Variants in FARP1 observed in about 807,000 individuals in gnomAD.
FARP1 encodes the protein FERM, ARHGEF and pleckstrin domain-containing protein 1.
In FARP1, 52 loss-of-function variants were observed where a neutral mutation model predicts 128.8. That is an observed-to-expected ratio of 0.40 (90% CI 0.32 to 0.51). The LOEUF is 0.51. Ranked by LOEUF, FARP1 falls within the 20% of genes least tolerant of loss-of-function variation. FARP1 has a pLI of 0.45. For missense variants in FARP1, 1,333 were observed against 1,367.9 expected (o/e 0.97, Z 0.40); for synonymous variants, 580 against 551.8 (o/e 1.05, Z -0.72).
chr13:98,251,912 A>C (rs375496509), intron 2 of FARP1, among the ~76,000 whole-genome samples: 28 of 152,272 alleles, frequency 1.8e-4, no homozygotes, highest in East Asian at 1.5e-3. Flanking sequence ...CAGTGACGCA[A>C]TCTTGGCTCA....
intron 2 of FARP1, among the ~76,000 whole-genome samples, chr13:98,297,813 C>T (rs898369377): frequency 6.6e-6 from 1 of 152,180 alleles, no homozygotes; most frequent in Non-Finnish European, 1.5e-5. Flanking sequence ...GTCTTCAGTG[C>T]TGTTTTATGT....
At chr13:98,428,108 T>C (rs564417275) in intron 17 of FARP1, among the ~76,000 whole-genome samples, 222 of 140,880 alleles carry the variant, frequency 1.6e-3, no homozygotes, top group African/African-American at 5.5e-3. Flanking sequence ...TCAGCCTGAT[T>C]GGCTCTTCCC....
chr13:98,290,521 A>G (rs1446361838), intron 2 of FARP1, among the ~76,000 whole-genome samples: 1 of 152,074 alleles, frequency 6.6e-6, no homozygotes, highest in Admixed American at 6.5e-5. Flanking sequence ...ATGGCTGTAG[A>G]GAACAGGTGA....
At chr13:98,297,132 T>C (rs1382915377) in intron 2 of FARP1, among the ~76,000 whole-genome samples, 3 of 152,224 alleles carry the variant, frequency 2.0e-5, no homozygotes, top group Admixed American at 2.0e-4. Flanking sequence ...CTGGTTGCCC[T>C]CAGGGGAGAT....
At chr13:98,188,566 A>G (rs1345995709) in intron 1 of FARP1, among the ~76,000 whole-genome samples, 1 of 151,316 alleles carries the variant, frequency 6.6e-6, no homozygotes, top group African/African-American at 2.4e-5. Flanking sequence ...GTCTCAAAAG[A>G]AAAAAAAAGG....
At chr13:98,325,079 G>C (rs1221169409) in intron 2 of FARP1, among the ~76,000 whole-genome samples, 1 of 152,152 alleles carries the variant, frequency 6.6e-6, no homozygotes, top group Non-Finnish European at 1.5e-5. Context: ...ATGAACTATG[G>C]GATAATAATG....
intron 16 of FARP1, among the ~76,000 whole-genome samples, chr13:98,416,849 G>A (rs3742139): frequency 0.13 from 20,347 of 152,052 alleles, 2,066 homozygotes; most frequent in East Asian, 0.3. Flanking sequence ...GCTGGGAGCT[G>A]GGAGACAGCA....
rs560781945 is a variant in FARP1, at chr13:98,193,370, A to G, written c.-23-19850A>G. Among the ~76,000 whole-genome samples the G allele has an allele frequency of 1.1e-4, 17 of 152,258 alleles. No individual in the cohort carries two copies. The South Asian group carries it at 3.1e-3, about 28-fold the overall frequency. On this transcript the variant is annotated intron_variant, in intron 1 of 26. Coordinates refer to ENST00000319562, the MANE Select transcript of FARP1 (RefSeq NM_005766.4). ...TACGCCCAGCCAAGACTCTTCTTAC[A>G]TATGTTTATTTCCCCTCATAGAAGC... is the stretch of plus-strand genomic sequence containing the variant.
intron 7 of FARP1, 128 bp downstream of exon 7, chr13:98,384,972 A>T: frequency 1.6e-6 from 1 of 635,960 alleles, no homozygotes; most frequent in East Asian, 2.7e-5. Flanking sequence ...TGAGGAAAGA[A>T]GATCACAGAG....
At chr13:98,326,236 T>C (rs1037310357) in intron 2 of FARP1, among the ~76,000 whole-genome samples, 1 of 152,244 alleles carries the variant, frequency 6.6e-6, no homozygotes, top group Non-Finnish European at 1.5e-5. Flanking sequence ...GCCTATAATA[T>C]CGTTCTGGAA....
intron 2 of FARP1, among the ~76,000 whole-genome samples, chr13:98,317,368 G>T (rs867113161): frequency 6.6e-6 from 1 of 152,102 alleles, no homozygotes; most frequent in Non-Finnish European, 1.5e-5. Flanking sequence ...CAAGGGATCC[G>T]CCTGCCTCAG....
chr13:98,334,576 G>A (rs1887660951), intron 2 of FARP1, among the ~76,000 whole-genome samples: 1 of 152,148 alleles, frequency 6.6e-6, no homozygotes, highest in South Asian at 2.1e-4. Context: ...GCATAAAATA[G>A]CATCTCTAGC....
At chr13:98,423,439 A>G (rs1287644048) in intron 16 of FARP1, among the ~76,000 whole-genome samples, 1 of 151,822 alleles carries the variant, frequency 6.6e-6, no homozygotes, top group Admixed American at 6.5e-5. Flanking sequence ...TTGTTTGTTT[A>G]ATTCGTTCCT....
chr13:98,290,888 G>A (rs534999957), intron 2 of FARP1, among the ~76,000 whole-genome samples: 3 of 152,280 alleles, frequency 2.0e-5, no homozygotes, highest in South Asian at 4.1e-4. Context: ...GACCAAGGGG[G>A]CAAACACATG....
chr13:98,205,727 C>T (rs1025124627), intron 1 of FARP1, among the ~76,000 whole-genome samples: 2 of 152,146 alleles, frequency 1.3e-5, no homozygotes, highest in Non-Finnish European at 2.9e-5. Flanking sequence ...GCTTGCTTTT[C>T]TCAGTCTTTC....
At chr13:98,330,879 A>C (rs1451230188) in intron 2 of FARP1, among the ~76,000 whole-genome samples, 1 of 152,240 alleles carries the variant, frequency 6.6e-6, no homozygotes, top group Non-Finnish European at 1.5e-5. Flanking sequence ...GAGTCATTGC[A>C]GGAACATTTA....
intron 2 of FARP1, among the ~76,000 whole-genome samples, chr13:98,241,173 G>T (rs144220437): frequency 6.6e-6 from 1 of 152,220 alleles, no homozygotes; most frequent in Non-Finnish European, 1.5e-5. Flanking sequence ...GAATGAGGTG[G>T]TTTCTGCCAG....
intron 5 of FARP1, among the ~76,000 whole-genome samples, chr13:98,375,850 A>C (rs1473638409): frequency 6.6e-6 from 1 of 152,048 alleles, no homozygotes; most frequent in Non-Finnish European, 1.5e-5. Flanking sequence ...GCTGGTCTTA[A>C]ACTCCTGACT....
chr13:98,422,316 T>G (rs1035130921), intron 16 of FARP1, among the ~76,000 whole-genome samples: 1 of 152,196 alleles, frequency 6.6e-6, no homozygotes, highest in Non-Finnish European at 1.5e-5. Flanking sequence ...AACAGCTATC[T>G]TCCCAGAACC....
Sources: gnomAD v4.1 joint callset for allele counts (sites outside exome capture counted in the v4.1 genomes callset) on GRCh38, gnomAD v4.1.1 for gene constraint, MANE v1.5 for transcripts, NCBI Gene and HGNC (gene_info 2026-07-23, HGNC 2026-07-21) for gene names.